The following CPNE5 variants were observed in gnomAD, a reference collection of about 807,000 sequenced individuals.
CPNE5 encodes the protein copine-5.
Under a neutral mutation model 81.1 loss-of-function variants are expected in CPNE5, and 42 were observed. That is an observed-to-expected ratio of 0.52 (90% CI 0.40 to 0.67). The LOEUF (loss-of-function observed/expected upper bound fraction) is 0.67, where lower values mean the gene tolerates loss of function less well. Among genes scored for constraint, CPNE5 ranks in the 30% least tolerant of loss-of-function variants. CPNE5 has a pLI of 0.00. For synonymous variants in CPNE5, 313 were observed against 321.5 expected, an observed-to-expected ratio of 0.97 and a Z score of 0.28; for missense variants, 612 against 815.5, an observed-to-expected ratio of 0.75 and a Z score of 3.04.
At chr6:36,821,628 G>A (rs1375252371) in intron 3 of CPNE5, among the ~76,000 whole-genome samples, 2 of 152,160 alleles carry the variant, frequency 1.3e-5, no homozygotes, top group Non-Finnish European at 2.9e-5. Context: ...GGTTGGGGTG[G>A]ATTTTGGAAG....
At chr6:36,765,726 G>A (rs531198031) in intron 10 of CPNE5, among the ~76,000 whole-genome samples, 4 of 152,210 alleles carry the variant, frequency 2.6e-5, no homozygotes, top group Non-Finnish European at 5.9e-5. Context: ...GGGTGGAGGA[G>A]CGGGGAGGTG....
intron 18 of CPNE5, 88 bp from the exon 19 acceptor site, chr6:36,744,413 G>A: frequency 9.9e-7 from 1 of 1,012,904 alleles, no homozygotes; most frequent in Non-Finnish European, 1.5e-6. Flanking sequence ...GGACAGGAAG[G>A]GGTGGGCAGG....
At chr6:36,823,508 T>C (rs1583022541) in intron 1 of CPNE5, among the ~76,000 whole-genome samples, 1 of 152,150 alleles carries the variant, frequency 6.6e-6, no homozygotes, top group South Asian at 2.1e-4. Context: ...CCACCTACTC[T>C]CCCATTTTCT....
chr6:36,838,741 C>T, intron 1 of CPNE5: 3 of 981,700 alleles, frequency 3.1e-6, no homozygotes, highest in Non-Finnish European at 2.4e-6. Flanking sequence ...GAGTCGATTT[C>T]GTTGTTGATA....
chr6:36,831,783 G>A (rs971374307), intron 1 of CPNE5, among the ~76,000 whole-genome samples: 1 of 152,130 alleles, frequency 6.6e-6, no homozygotes, highest in African/African-American at 2.4e-5. Context: ...TATATAGAAT[G>A]TCACAGACTT....
intron 12 of CPNE5, 134 bp downstream of exon 12, chr6:36,762,783 C>T (rs770769747): frequency 1.7e-5 from 12 of 714,984 alleles, no homozygotes; most frequent in East Asian, 2.7e-5. Context: ...GTCTCCTTAA[C>T]GGTAGAATGG....
intron 17 of CPNE5, 110 bp from the exon 18 acceptor site, chr6:36,745,260 C>G: frequency 1.4e-6 from 2 of 1,422,042 alleles, no homozygotes; most frequent in South Asian, 1.2e-5. Context: ...GGGGGAATCT[C>G]TTCAGGGTCA....
Position 36,745,441 on chromosome 6 carries a change from A to G in CPNE5, c.1275T>C (p.Thr425=), listed in dbSNP as rs773187928. 6 of 1,606,270 alleles carry G rather than the reference A, an allele frequency of 3.7e-6. No individual in the cohort carries two copies. Among genetic ancestry groups the G allele is most frequent in the Non-Finnish European group, 5.1e-6 (6 of 1,177,084 alleles). ...ILEAYHRSLR[T]VQLYGPTNFA... is the part of the protein sequence containing the mutation. ...AGTTGGTGGGGCCGTACAGCTGCACAGTGCGCAGGCTGCGGTGGTAGGCCT... is the reference window on the plus strand; with the variant it reads ...AGTTGGTGGGGCCGTACAGCTGCACGGTGCGCAGGCTGCGGTGGTAGGCCT... The change falls in exon 17 of 21, where the codon ACT becomes ACC. Residue 425 remains threonine (T), a synonymous_variant. Transcript: ENST00000244751.
chr6:36,776,933 T>C (rs1767558981), intron 9 of CPNE5, among the ~76,000 whole-genome samples: 1 of 152,162 alleles, frequency 6.6e-6, no homozygotes, highest in Non-Finnish European at 1.5e-5. Flanking sequence ...AGCGCAGCCA[T>C]CGCCCTTTCA....
At chr6:36,827,379 T>C in intron 1 of CPNE5, 4 of 985,390 alleles carry the variant, frequency 4.1e-6, no homozygotes, top group Non-Finnish European at 4.8e-6. Flanking sequence ...CTCGCACTTC[T>C]GGGGCTCACC....
At chr6:36,811,935 C>A (rs574898391) in intron 3 of CPNE5, among the ~76,000 whole-genome samples, 1 of 152,122 alleles carries the variant, frequency 6.6e-6, no homozygotes, top group Non-Finnish European at 1.5e-5. Flanking sequence ...GAAACCCCAT[C>A]TCTACGAAAA....
rs903682407 is a variant in CPNE5, at chr6:36,822,127, T to A, written c.170A>T (p.Lys57Met). The A allele has an allele frequency of 2.6e-6, 4 of 1,539,756 alleles. No individual in the cohort carries two copies. The highest frequency in any genetic ancestry group is 3.5e-6 in the Non-Finnish European group (4 of 1,137,792). Residue 57 changes from lysine to methionine, a missense_variant, in exon 3 of 21, where the codon AAG becomes ATG. Coordinates refer to ENST00000244751, the MANE Select transcript of CPNE5 (RefSeq NM_020939.2). ...CVMYTQGMEN[K>M]QWREFGRTEV... ...AGCTGCACCTACCTCCCGCCACTGCTTGTTCTCCATCCCTTGGGTATACAT... is the reference window on the plus strand; with the variant it reads ...AGCTGCACCTACCTCCCGCCACTGCATGTTCTCCATCCCTTGGGTATACAT...
rs770817107 is a variant in CPNE5 at position 36,775,044 on chromosome 6, G to A, written c.654C>T (p.Thr218=). 6.2e-6 allele frequency: 10 copies of A among 1,614,006 alleles called. No homozygotes were observed. In the East Asian group the frequency reaches 1.1e-4, roughly 18 times the overall value. The part of the protein sequence containing the change: ...EDGTFTICHK[T]EVMKNTLNPV... ...GATTTAGGGTGTTCTTCATGACCTC[G>A]GTCTTGTGGCAAATGGTGAACCTGG... Residue 218 remains threonine (T), a synonymous_variant, in exon 10 of 21, where the codon ACC becomes ACT. Coordinates refer to ENST00000244751, the MANE Select transcript of CPNE5 (RefSeq NM_020939.2).
chr6:36,838,932 GGATGGGGTGATCA>G (rs1773780558), intron 1 of CPNE5: 1 of 159,306 alleles, frequency 6.3e-6, no homozygotes, highest in African/African-American at 2.4e-5. Flanking sequence ...CGTGATTTGG[GGATGGGGTGATCA>G]GAGATAGCCT....
At position 36,756,300 on chromosome 6, in the gene CPNE5, T is replaced by C; in HGVS notation, c.856-2A>G. 2.5e-6 allele frequency: 4 copies of C among 1,613,744 alleles called. No homozygotes were observed. Among genetic ancestry groups the C allele is most frequent in the Non-Finnish European group, 3.4e-6 (4 of 1,179,820 alleles). On this transcript the variant is annotated splice_acceptor_variant, in intron 12 of 20. Transcript: ENST00000244751. LOFTEE classifies it high-confidence loss of function. ...CATTTTCTTTTTCGGGTTTACCACC[T>C]GCAGGAAAAACCAGTTACCAGGTAA... is the stretch of plus-strand genomic sequence containing the variant.
intron 10 of CPNE5, among the ~76,000 whole-genome samples, chr6:36,769,624 G>C (rs370960839): frequency 6.6e-6 from 1 of 152,210 alleles, no homozygotes; most frequent in East Asian, 1.9e-4. Context: ...TCTTCAGGAA[G>C]AGGAGCATCA....
intron 3 of CPNE5, among the ~76,000 whole-genome samples, chr6:36,811,166 C>G (rs1159486235): frequency 6.6e-6 from 1 of 152,168 alleles, no homozygotes; most frequent in East Asian, 1.9e-4. Flanking sequence ...CCACCCCCAG[C>G]CTTCTAGCCC....
At chr6:36,788,235 G>A (rs543917290) in intron 8 of CPNE5, among the ~76,000 whole-genome samples, 146 of 151,560 alleles carry the variant, frequency 9.6e-4, no homozygotes, top group African/African-American at 3.4e-3. Context: ...TCGGGGGGGG[G>A]TCTCACTATG....
chr6:36,767,443 G>T (rs1259501286), intron 10 of CPNE5, among the ~76,000 whole-genome samples: 2 of 152,184 alleles, frequency 1.3e-5, no homozygotes, highest in Non-Finnish European at 2.9e-5. Context: ...CCAGCTGAGG[G>T]TCTGAGCCAG....
Sources: allele counts gnomAD v4.1 joint callset (sites outside exome capture counted in the v4.1 genomes callset), GRCh38; gene constraint gnomAD v4.1.1; transcripts MANE v1.5; gene names NCBI Gene and HGNC (gene_info 2026-07-23, HGNC 2026-07-21).